Variants in GPR26 observed in about 807,000 individuals in gnomAD.
GPR26 encodes the protein G protein-coupled receptor 26.
In GPR26, 15 loss-of-function variants were observed where a neutral mutation model predicts 23.1. That is an observed-to-expected ratio of 0.65 (90% confidence interval 0.43 to 1.00). The LOEUF is 1.00. Among genes scored for constraint, GPR26 ranks in the 50% least tolerant of loss-of-function variants. The pLI is 0.00. For missense variants in GPR26, 359 were observed against 470.5 expected (o/e 0.76, Z 2.19); for synonymous variants, 228 against 222.1 (o/e 1.03, Z -0.24).
In GPR26 at chr10:123,674,728, A is replaced by C; in HGVS notation, c.669-90A>C. ...GACTCCATAGTCAAGTTCTCACACT[A>C]GAGACTGCTGCCTGTGTTAGTAAAT... On this transcript the variant is annotated intron_variant, in intron 1 of 2. Transcript: ENST00000284674. This position sits in a 1 kb window ranked among gnomAD's most constrained non-coding sequence, Gnocchi z 4.1. The C allele has an allele frequency of 3.7e-5, 29 of 790,438 alleles. No individual in the cohort carries two copies. The highest frequency in any genetic ancestry group is 2.9e-4 in the Middle Eastern group (1 of 3,480). The allele number at this position is 790,438 out of a possible 1,614,324, so 49.0% of individuals were successfully genotyped here. A position where few individuals can be genotyped will look rare whatever the true frequency, so the allele number is the denominator to read the frequency against.
intron 2 of GPR26, among the ~76,000 whole-genome samples, chr10:123,680,525 C>T (rs1845358418): frequency 2.0e-5 from 3 of 152,194 alleles, no homozygotes; most frequent in African/African-American, 7.2e-5. Context: ...CTGGGCAGCT[C>T]CAGGGCCCCC....
intron 2 of GPR26, among the ~76,000 whole-genome samples, chr10:123,675,315 G>A (rs1845291829): frequency 6.6e-6 from 1 of 152,034 alleles, no homozygotes; most frequent in African/African-American, 2.4e-5. Flanking sequence ...CCCACTGAAT[G>A]CAAGATGGCC....
chr10:123,675,798 C>CTGTGTGTGTGTGTGTGTGTGTGTGTACG, intron 2 of GPR26, among the ~76,000 whole-genome samples: 2 of 142,724 alleles, frequency 1.4e-5, no homozygotes, highest in East Asian at 2.3e-4. Context: ...GCAGGGTTTT[C>CTGTGTGTGTGTGTGTGTGTGTGTGTACG]TGTGTGTGTG....
chr10:123,687,036 T>C (rs576326989), intron 2 of GPR26, among the ~76,000 whole-genome samples: 113 of 152,246 alleles, frequency 7.4e-4, no homozygotes, highest in Non-Finnish European at 1.2e-3. Flanking sequence ...GGTAGAATTC[T>C]GTTGAAGGCT....
At chr10:123,681,490 C>G (rs1845377452) in intron 2 of GPR26, among the ~76,000 whole-genome samples, 1 of 152,238 alleles carries the variant, frequency 6.6e-6, no homozygotes, top group African/African-American at 2.4e-5. Context: ...TCTAGGCAGC[C>G]AGCCTTGCCG....
In GPR26 at chr10:123,692,129, T is replaced by C. The variant is rs749796088; in HGVS notation, c.*3969T>C. 9 of 152,202 alleles carry C rather than the reference T, an allele frequency of 5.9e-5. No homozygotes were observed. The highest frequency in any genetic ancestry group is 1.2e-4 in the Non-Finnish European group (8 of 68,022). The allele number at this position is 152,202 out of a possible 1,614,324, so 9.4% of individuals were successfully genotyped here. On this transcript the variant is annotated 3_prime_UTR_variant, in exon 3 of 3. Transcript: ENST00000284674. ...TTCCTTTTTATGGGGCTCCAGGTCA[T>C]AAGGATGAGATATATTTGGGGTACT...
chr10:123,678,018 G>A (rs1845328632), intron 2 of GPR26, among the ~76,000 whole-genome samples: 1 of 152,222 alleles, frequency 6.6e-6, no homozygotes, highest in Non-Finnish European at 1.5e-5. Flanking sequence ...GCCAAGGTGG[G>A]AGGATTACTT....
chr10:123,693,751 G>C lies in GPR26; in HGVS notation c.*5591G>C, dbSNP rs1845513995. 2 of 152,230 alleles carry C rather than the reference G, an allele frequency of 1.3e-5. No homozygotes were observed. 9.4% of individuals were successfully genotyped at this position (152,230 alleles called of 1,614,324 possible). ...ACACCTCATTCCACAAATGCGGAGT[G>C]AAAGAGCAGGAGCCAGACACATTTG... On this transcript the variant is annotated 3_prime_UTR_variant, in exon 3 of 3. Coordinates refer to ENST00000284674, the MANE Select transcript of GPR26 (RefSeq NM_153442.4).
chr10:123,672,639 G>A (rs1229501584), intron 1 of GPR26, among the ~76,000 whole-genome samples: 1 of 152,186 alleles, frequency 6.6e-6, no homozygotes, highest in East Asian at 1.9e-4. Flanking sequence ...GCAGTGGGGG[G>A]AGCTCTGTGG....
intron 2 of GPR26, among the ~76,000 whole-genome samples, chr10:123,680,058 C>T (rs978596355): frequency 3.3e-5 from 5 of 152,194 alleles, no homozygotes; most frequent in African/African-American, 7.2e-5. Flanking sequence ...AACAGCAGCC[C>T]GAGCTGCATC....
intron 2 of GPR26, among the ~76,000 whole-genome samples, chr10:123,685,905 G>T (rs992550421): frequency 6.6e-6 from 1 of 152,152 alleles, no homozygotes; most frequent in Admixed American, 6.5e-5. Flanking sequence ...ATAATTGTAC[G>T]GTTAGAGATT....
chr10:123,670,166 T>C (rs1845234004), intron 1 of GPR26, among the ~76,000 whole-genome samples: 1 of 152,230 alleles, frequency 6.6e-6, no homozygotes, highest in Non-Finnish European at 1.5e-5. Context: ...CAGGCTCTGC[T>C]GGTTCCCCCA....
rs1295070910 is a variant in GPR26, at chr10:123,691,860, A to G, written c.*3700A>G. The G allele has an allele frequency of 6.6e-6, 1 of 152,158 alleles. No homozygotes were observed. The highest frequency in any genetic ancestry group is 1.5e-5 in the Non-Finnish European group (1 of 68,022). 9.4% of individuals were successfully genotyped at this position (152,158 alleles called of 1,614,324 possible). On this transcript the variant is annotated 3_prime_UTR_variant, in exon 3 of 3. Coordinates refer to ENST00000284674, the MANE Select transcript of GPR26 (RefSeq NM_153442.4). Reference sequence around the variant, plus strand: ...TGGGTTTCCGCACTTTTAATCATCGATGCCCAGGTAACTGATAGGAGTTTT... The same window carrying G: ...TGGGTTTCCGCACTTTTAATCATCGGTGCCCAGGTAACTGATAGGAGTTTT...
intron 2 of GPR26, among the ~76,000 whole-genome samples, chr10:123,684,528 C>CAGA (rs1272315508): frequency 1.3e-5 from 2 of 152,190 alleles, no homozygotes; most frequent in Non-Finnish European, 2.9e-5. Context: ...TTCCCAAGGC[C>CAGA]AGAAGTCCAA....
At chr10:123,675,832 A>ATG (rs1564731113) in intron 2 of GPR26, among the ~76,000 whole-genome samples, 1 of 45,348 alleles carries the variant, frequency 2.2e-5, no homozygotes, top group African/African-American at 8.7e-5. Context: ...GTGTGTGTGT[A>ATG]CGTGTGTGTG....
chr10:123,680,796 C>T (rs796102291), intron 2 of GPR26, among the ~76,000 whole-genome samples: 26 of 124,648 alleles, frequency 2.1e-4, no homozygotes, highest in Admixed American at 4.7e-4. Context: ...TTAACATTCT[C>T]TTGGGTTTTT....
chr10:123,667,091 C>T lies in GPR26; in HGVS notation c.668+16C>T, dbSNP rs777398005. 8 of 1,554,930 alleles carry T rather than the reference C, an allele frequency of 5.1e-6. No individual in the cohort carries two copies. Among genetic ancestry groups the T allele is most frequent in the Middle Eastern group, 3.4e-4 (2 of 5,830 alleles). ...TGCACCCCAGGTGAGCCGAGCGCAG[C>T]TAAGGCTCTGGGAACAGCCGCGCGG... is the stretch of plus-strand genomic sequence containing the variant. On this transcript the variant is annotated intron_variant, in intron 1 of 2. Coordinates refer to ENST00000284674, the MANE Select transcript of GPR26 (RefSeq NM_153442.4).
intron 2 of GPR26, among the ~76,000 whole-genome samples, chr10:123,675,238 G>A (rs2459352): frequency 1 from 152,173 of 152,268 alleles, 76,039 homozygotes; most frequent in East Asian, 1. Context: ...GAGAAGGAGA[G>A]GGTGAGAGAA....
At chr10:123,680,160 G>A (rs934611245) in intron 2 of GPR26, among the ~76,000 whole-genome samples, 2 of 152,214 alleles carry the variant, frequency 1.3e-5, no homozygotes, top group African/African-American at 4.8e-5. Flanking sequence ...AGAAGATGTG[G>A]CAGGTGTGAA....
Sources: allele counts gnomAD v4.1 joint callset (sites outside exome capture counted in the v4.1 genomes callset), GRCh38; gene constraint gnomAD v4.1.1; non-coding constraint Gnocchi (gnomAD v3.1); transcripts MANE v1.5; gene names NCBI Gene and HGNC (gene_info 2026-07-23, HGNC 2026-07-21).